Variants in LARS2 observed in about 807,000 individuals in gnomAD.
LARS2 encodes leucine--tRNA ligase, mitochondrial.
A neutral mutation model predicts 116.6 loss-of-function variants in LARS2; 81 were observed. The ratio of observed to expected loss-of-function variants is 0.69; its 90% CI spans 0.58 to 0.84. LARS2 has a LOEUF of 0.84. Among genes scored for constraint, LARS2 ranks in the 40% least tolerant of loss-of-function variants. The probability of loss-of-function intolerance (pLI) is 0.00; values close to 1 mark genes in which losing one functional copy is unlikely to be tolerated. For synonymous variants in LARS2, 396 were observed against 407.2 expected, an observed-to-expected ratio of 0.97 and a Z score of 0.33; for missense variants, 968 against 1,114.5, an observed-to-expected ratio of 0.87 and a Z score of 1.87.
At chr3:45,408,976 G>A (rs1393613826) in intron 4 of LARS2, among the ~76,000 whole-genome samples, 1 of 152,080 alleles carries the variant, frequency 6.6e-6, no homozygotes, top group Non-Finnish European at 1.5e-5. Flanking sequence ...ATTATCATTA[G>A]TAGTCTTCTG....
Position 45,419,674 on chromosome 3 carries a change from T to G in LARS2, c.461T>G (p.Ile154Ser). 6.2e-7 allele frequency: 1 copy of G among 1,613,808 alleles called. No homozygotes were observed. The highest frequency in any genetic ancestry group is 1.3e-5 in the African/African-American group (1 of 75,052). The change falls in exon 6 of 22, where the codon ATT (isoleucine) becomes AGT (serine). Residue 154 changes from isoleucine (I) to serine (S), a missense_variant. Physicochemically the swap from Ile to Ser is moderately radical, Grantham distance 142 (BLOSUM62 -2). Transcript: ENST00000645846. ...LHPQSWTQSN[I>S]KHMRKQLDRL... ...TTTTTCCCATTGTTTCACAGTAATA[T>G]TAAACACATGAGGAAACAGCTTGAT...
intron 4 of LARS2, among the ~76,000 whole-genome samples, chr3:45,402,821 A>C (rs1345813918): frequency 6.6e-6 from 1 of 152,138 alleles, no homozygotes; most frequent in African/African-American, 2.4e-5. Flanking sequence ...AAGAGGTGGG[A>C]CAGGCCAGGC....
Position 45,541,880 on chromosome 3 carries a change from G to A in LARS2, c.2456G>A (p.Ser819Asn). The A allele has an allele frequency of 1.9e-6, 3 of 1,614,246 alleles. No individual in the cohort carries two copies. In the South Asian group the frequency reaches 3.3e-5, roughly 18 times the overall value. ...TGTGCCCACTACACTTGGGATGCCA[G>A]TGTGCTGCTCCAGGCATGGCCTGCT... ...KLCAHYTWDA[S>N]VLLQAWPAVD... Residue 819 changes from serine (S) to asparagine (N), a missense_variant, in exon 21 of 22, where the codon AGT (serine) becomes AAT (asparagine). Ser to Asn is a conservative substitution (Grantham distance 46). Coordinates refer to ENST00000645846, the MANE Select transcript of LARS2 (RefSeq NM_015340.4).
At chr3:45,467,888 A>G (rs923799904) in intron 8 of LARS2, among the ~76,000 whole-genome samples, 10 of 152,108 alleles carry the variant, frequency 6.6e-5, no homozygotes, top group Non-Finnish European at 4.4e-5. Flanking sequence ...GGAGTTCAAG[A>G]CCAGCCTGGG....
At chr3:45,392,993 T>G (rs56183927) in intron 2 of LARS2, among the ~76,000 whole-genome samples, 1,673 of 152,340 alleles carry the variant, frequency 0.011, 28 homozygotes, top group African/African-American at 0.036. Context: ...CTAGTATTTA[T>G]ATCTTAAATA....
chr3:45,544,260 T>A (rs1432709367), intron 21 of LARS2, among the ~76,000 whole-genome samples: 1 of 152,204 alleles, frequency 6.6e-6, no homozygotes, highest in Non-Finnish European at 1.5e-5. Context: ...GGAACAAAGG[T>A]CTGGGGGCAC....
intron 8 of LARS2, among the ~76,000 whole-genome samples, chr3:45,461,281 G>T (rs1057350253): frequency 2.7e-4 from 41 of 151,910 alleles, no homozygotes; most frequent in African/African-American, 9.2e-4. Flanking sequence ...CCACTCTTTG[G>T]GGCTACAGAT....
Position 45,394,459 on chromosome 3 carries a change from T to A in LARS2, c.6T>A (p.Ala2=), listed in dbSNP as rs1239386740. The change falls in exon 3 of 22, where the codon GCT becomes GCA. Residue 2 remains alanine (A), a synonymous_variant. Transcript: ENST00000645846. M[A]SVWQRLGFYA... is the part of the protein sequence containing the mutation. Reference sequence around the variant, plus strand: ...GCCTTCTCACCTTCTGAAGAATGGCTTCTGTTTGGCAGAGATTGGGTTTTT... The same window carrying A: ...GCCTTCTCACCTTCTGAAGAATGGCATCTGTTTGGCAGAGATTGGGTTTTT... 6.2e-7 allele frequency: 1 copy of A among 1,613,612 alleles called. No individual in the cohort carries two copies.
intron 10 of LARS2, among the ~76,000 whole-genome samples, chr3:45,479,946 CTGT>C (rs908050120): frequency 2.6e-5 from 4 of 152,194 alleles, no homozygotes; most frequent in African/African-American, 7.2e-5. Flanking sequence ...ACTTGGAACT[CTGT>C]TGTTATTGAC....
chr3:45,500,518 C>A lies in LARS2; in HGVS notation c.1699C>A (p.His567Asn). The part of the protein sequence containing the change: ...YIGGKEHAVM[H>N]LFYARFFSHF... ...TGGAGGGAAAGAACATGCCGTCATG[C>A]ACTTGTTCTATGCAAGATTCTTTAG... The change falls in exon 15 of 22, where the codon CAC becomes AAC. Residue 567 changes from histidine to asparagine, a missense_variant. Physicochemically the swap from His to Asn is moderately conservative, Grantham distance 68. Coordinates refer to ENST00000645846, the MANE Select transcript of LARS2 (RefSeq NM_015340.4). 6.3e-7 allele frequency: 1 copy of A among 1,587,988 alleles called. No individual in the cohort carries two copies. Among genetic ancestry groups the A allele is most frequent in the Non-Finnish European group, 8.5e-7 (1 of 1,170,084 alleles).
chr3:45,500,698 C>T (rs1249206420), intron 15 of LARS2, 119 bp downstream of exon 15: 10 of 722,372 alleles, frequency 1.4e-5, no homozygotes, highest in Non-Finnish European at 1.9e-5. Context: ...TTCTAGTATG[C>T]TTTAGAGGTT....
rs769565623 is a variant in LARS2 at position 45,513,251 on chromosome 3, C to T, written c.1861+16C>T. 1 of 1,515,312 alleles carries T rather than the reference C, an allele frequency of 6.6e-7. No individual in the cohort carries two copies. Among genetic ancestry groups the T allele is most frequent in the South Asian group, 1.1e-5 (1 of 89,074 alleles). 93.9% of individuals were successfully genotyped at this position (1,515,312 alleles called of 1,614,324 possible). A position where few individuals can be genotyped will look rare whatever the true frequency, so the allele number is the denominator to read the frequency against. ...GATCTCACAGGTAAGAATGGCCCAT[C>T]TGGTCCCATCCAGGTACTCCCAGAG... is the stretch of plus-strand genomic sequence containing the variant. On this transcript the variant is annotated intron_variant, in intron 16 of 21. Coordinates refer to ENST00000645846, the MANE Select transcript of LARS2 (RefSeq NM_015340.4).
intron 7 of LARS2, among the ~76,000 whole-genome samples, chr3:45,453,708 A>G (rs902229060): frequency 2.0e-5 from 3 of 152,222 alleles, no homozygotes; most frequent in Non-Finnish European, 4.4e-5. Context: ...TAGATACTTT[A>G]TAAGACCTAT....
intron 3 of LARS2, among the ~76,000 whole-genome samples, chr3:45,395,710 C>A (rs1698032009): frequency 6.6e-6 from 1 of 152,186 alleles, no homozygotes; most frequent in East Asian, 1.9e-4. Context: ...TCGGTCAACA[C>A]ATTCATTCTT....
At chr3:45,445,079 A>G (rs1698996824) in intron 6 of LARS2, among the ~76,000 whole-genome samples, 1 of 152,148 alleles carries the variant, frequency 6.6e-6, no homozygotes, top group Admixed American at 6.5e-5. Context: ...CACATCCCCT[A>G]TCCCAGTTCA....
At chr3:45,432,549 G>C (rs1183278210) in intron 6 of LARS2, among the ~76,000 whole-genome samples, 1 of 151,832 alleles carries the variant, frequency 6.6e-6, no homozygotes, top group East Asian at 1.9e-4. Context: ...ACAACAAATG[G>C]ATTAAAAAAT....
intron 10 of LARS2, among the ~76,000 whole-genome samples, chr3:45,484,630 A>AAAAAAAATATATATATATATATATATAT (rs1553634443): frequency 1.0e-4 from 1 of 9,742 alleles, no homozygotes; most frequent in African/African-American, 1.8e-4. Context: ...AAAAAAAAAA[A>AAAAAAAATATATATATATATATATATAT]ATATATATAT....
chr3:45,466,051 A>G (rs1230096948), intron 8 of LARS2, among the ~76,000 whole-genome samples: 1 of 152,246 alleles, frequency 6.6e-6, no homozygotes, highest in African/African-American at 2.4e-5. Flanking sequence ...GAATGACTGC[A>G]AAGGAAAAAT....
intron 14 of LARS2, 146 bp downstream of exon 14, chr3:45,496,519 A>T: frequency 1.4e-6 from 1 of 695,340 alleles, no homozygotes; most frequent in Non-Finnish European, 2.6e-6. Context: ...GAGTGGGCAG[A>T]GAGTGCTCTT....
Sources: allele counts gnomAD v4.1 joint callset (sites outside exome capture counted in the v4.1 genomes callset), GRCh38; gene constraint gnomAD v4.1.1; transcripts MANE v1.5; gene names NCBI Gene and HGNC (gene_info 2026-07-23, HGNC 2026-07-21).